Variants in SLC35F4 observed in about 807,000 individuals in gnomAD.
SLC35F4 encodes solute carrier family 35 member F4.
In SLC35F4, 24 loss-of-function variants were observed where a neutral mutation model predicts 44.2. That is an observed-to-expected ratio of 0.54 (90% CI 0.39 to 0.76). SLC35F4 has a LOEUF of 0.76. Ranked by LOEUF, SLC35F4 falls within the 30% of genes least tolerant of loss-of-function variation. SLC35F4 has a pLI of 0.00. For synonymous variants in SLC35F4, 238 were observed against 223.6 expected, an observed-to-expected ratio of 1.06 and a Z score of -0.57; for missense variants, 562 against 586.1, an observed-to-expected ratio of 0.96 and a Z score of 0.42.
chr14:57,697,403 A>G (rs933339013), intron 1 of SLC35F4, among the ~76,000 whole-genome samples: 3 of 152,146 alleles, frequency 2.0e-5, no homozygotes, highest in Admixed American at 6.6e-5. Flanking sequence ...ATTATAGAAC[A>G]TTTAGAAAAT....
chr14:57,687,563 A>G (rs956319085), intron 1 of SLC35F4, among the ~76,000 whole-genome samples: 3 of 152,178 alleles, frequency 2.0e-5, no homozygotes, highest in Non-Finnish European at 4.4e-5. Context: ...TGAGTCCTCC[A>G]CAGTCTGTGC....
At chr14:57,921,533 A>G (rs1889444036) in intron 1 of SLC35F4, among the ~76,000 whole-genome samples, 1 of 152,188 alleles carries the variant, frequency 6.6e-6, no homozygotes, top group African/African-American at 2.4e-5. Flanking sequence ...AGGAACCACA[A>G]ATTGGTTGGC....
In SLC35F4 at chr14:57,776,099, G is replaced by A. The variant is rs770027100; in HGVS notation, c.103+89624C>T. Among the ~76,000 whole-genome samples the A allele has an allele frequency of 2.0e-5, 3 of 152,212 alleles. No homozygotes were observed. The East Asian group carries it at 5.8e-4, about 29-fold the overall frequency. On this transcript the variant is annotated intron_variant, in intron 1 of 7. Transcript: ENST00000556826. ...TGAAATAAGACAGAAGAGAATAAAA[G>A]AAAGAAAAGAAAAGGAATGAACAAA...
intron 1 of SLC35F4, among the ~76,000 whole-genome samples, chr14:57,649,504 T>C (rs2073690867): frequency 6.6e-6 from 1 of 152,192 alleles, no homozygotes; most frequent in Non-Finnish European, 1.5e-5. Flanking sequence ...CTTGGGCACA[T>C]GCAGATAATC....
chr14:57,761,552 T>C (rs2077125304), intron 1 of SLC35F4, among the ~76,000 whole-genome samples: 1 of 152,182 alleles, frequency 6.6e-6, no homozygotes. Context: ...ATTTGTAAAA[T>C]ATCAAAGCTC....
chr14:57,978,784 T>C (rs1200752278), intron 1 of SLC35F4, among the ~76,000 whole-genome samples: 1 of 152,212 alleles, frequency 6.6e-6, no homozygotes, highest in Non-Finnish European at 1.5e-5. Context: ...TACATCCTGA[T>C]CCATGAAATT....
chr14:57,703,764 C>G (rs1178479047), intron 1 of SLC35F4, among the ~76,000 whole-genome samples: 1 of 152,188 alleles, frequency 6.6e-6, no homozygotes, highest in Non-Finnish European at 1.5e-5. Context: ...GGGAATCACT[C>G]TAATAAGCTG....
chr14:57,609,641 C>T (rs1356157830), intron 1 of SLC35F4, among the ~76,000 whole-genome samples: 3 of 152,174 alleles, frequency 2.0e-5, no homozygotes, highest in Non-Finnish European at 4.4e-5. Context: ...CTTGTAGAGG[C>T]AGCTCTTGCA....
chr14:57,818,442 T>C (rs548022055), intron 1 of SLC35F4, among the ~76,000 whole-genome samples: 2 of 152,244 alleles, frequency 1.3e-5, no homozygotes, highest in African/African-American at 4.8e-5. Context: ...TCCAGTAGAC[T>C]ACTGGGCAAA....
At position 57,708,759 on chromosome 14, in the gene SLC35F4, C is replaced by T. The variant is rs193164882; in HGVS notation, c.104-114635G>A. The stretch of plus-strand genomic sequence containing the variant: ...AAGACACGGAGACCAGTAGTGGTCC[C>T]GAATGCCATGCTGCGCTGATATTTA... On this transcript the variant is annotated intron_variant, in intron 1 of 7. Transcript: ENST00000556826. Among the ~76,000 whole-genome samples, 17 of 151,974 alleles carry T rather than the reference C, an allele frequency of 1.1e-4. No individual in the cohort carries two copies. In the South Asian group the frequency reaches 2.5e-3, roughly 22 times the overall value.
intron 1 of SLC35F4, among the ~76,000 whole-genome samples, chr14:57,680,487 C>T (rs1333414994): frequency 6.6e-6 from 1 of 152,066 alleles, no homozygotes; most frequent in African/African-American, 2.4e-5. Context: ...CCTCTCTCAC[C>T]ACTCCTATTC....
chr14:57,693,309 C>G (rs916742143), intron 1 of SLC35F4, among the ~76,000 whole-genome samples: 1 of 152,194 alleles, frequency 6.6e-6, no homozygotes, highest in Non-Finnish European at 1.5e-5. Context: ...CAAAATCTGG[C>G]CATAAATTGG....
At chr14:57,973,814 C>T (rs1881127121), downstream of SLC35F4, among the ~76,000 whole-genome samples, 1 of 152,046 alleles carries the variant, frequency 6.6e-6, no homozygotes, top group African/African-American at 2.4e-5. Flanking sequence ...TTCTTATTTG[C>T]CACAAACTCA....
At chr14:57,646,253 T>C (rs1367101183) in intron 1 of SLC35F4, among the ~76,000 whole-genome samples, 4 of 152,168 alleles carry the variant, frequency 2.6e-5, no homozygotes, top group Non-Finnish European at 5.9e-5. Context: ...CATCTGGTCC[T>C]GGACTTTTTT....
chr14:57,812,163 C>T (rs555666691), intron 1 of SLC35F4, among the ~76,000 whole-genome samples: 9 of 152,116 alleles, frequency 5.9e-5, no homozygotes, highest in Non-Finnish European at 1.3e-4. Flanking sequence ...GCTATTAAAA[C>T]TTCCTAAATA....
chr14:57,649,037 C>T lies in SLC35F4; in HGVS notation c.104-54913G>A, dbSNP rs146515256. On this transcript the variant is annotated intron_variant, in intron 1 of 7. Coordinates refer to ENST00000556826, the MANE Select transcript of SLC35F4 (RefSeq NM_001306087.2). ...CTTTGTCTGCCTACCTATTTCTCAT[C>T]ATCTTTCAAGTGGCACTTAAGATCA... Among the ~76,000 whole-genome samples the T allele has an allele frequency of 8.5e-5, 13 of 152,292 alleles. No homozygotes were observed. The East Asian group carries it at 2.5e-3, about 29-fold the overall frequency.
chr14:57,784,247 GA>G (rs1031544155), intron 1 of SLC35F4, among the ~76,000 whole-genome samples: 2 of 151,886 alleles, frequency 1.3e-5, no homozygotes, highest in African/African-American at 2.4e-5. Flanking sequence ...AGCAGTGCCA[GA>G]AAAAAAATGA....
chr14:57,943,834 C>T (rs1366947121), intron 1 of SLC35F4, among the ~76,000 whole-genome samples: 1 of 152,232 alleles, frequency 6.6e-6, no homozygotes, highest in Admixed American at 6.5e-5. Flanking sequence ...AGTCACTCTG[C>T]ATCATCTCTG....
intron 1 of SLC35F4, among the ~76,000 whole-genome samples, chr14:57,873,214 C>T (rs1294267637): frequency 6.6e-6 from 1 of 152,090 alleles, no homozygotes; most frequent in African/African-American, 2.4e-5. Flanking sequence ...CATTATCCCA[C>T]GAAGGGTCAA....
Sources: gnomAD v4.1 joint callset for allele counts (sites outside exome capture counted in the v4.1 genomes callset) on GRCh38, gnomAD v4.1.1 for gene constraint, MANE v1.5 for transcripts, NCBI Gene and HGNC (gene_info 2026-07-23, HGNC 2026-07-21) for gene names.